The following KCNT2 variants were observed in gnomAD, a reference collection of about 807,000 sequenced individuals.
KCNT2 encodes potassium channel subfamily T member 2.
In KCNT2, 67 loss-of-function variants were observed where a neutral mutation model predicts 153.8. The observed-to-expected ratio is 0.44, with a 90% CI of 0.36 to 0.53. KCNT2 has a LOEUF of 0.53. KCNT2 is among the 20% of genes least tolerant of loss of function. The pLI, the probability that KCNT2 is intolerant of heterozygous loss-of-function variation, is 0.00. For synonymous variants in KCNT2, 500 were observed against 458.8 expected, an observed-to-expected ratio of 1.09 and a Z score of -1.15; for missense variants, 975 against 1,354.8, an observed-to-expected ratio of 0.72 and a Z score of 4.40.
chr1:196,366,255 G>A (rs1262598265), intron 14 of KCNT2, among the ~76,000 whole-genome samples: 1 of 151,876 alleles, frequency 6.6e-6, no homozygotes, highest in Non-Finnish European at 1.5e-5. Context: ...TGCCTCCTGG[G>A]TTCAAGGGAT....
intron 26 of KCNT2, chr1:196,257,223 A>G (rs1656592773): frequency 7.1e-6 from 7 of 984,382 alleles, no homozygotes; most frequent in Middle Eastern, 5.2e-4. Context: ...GGAGTAGCAC[A>G]CATAGCATGC....
chr1:196,464,070 A>AT (rs1322120154), intron 8 of KCNT2, among the ~76,000 whole-genome samples: 1 of 151,998 alleles, frequency 6.6e-6, no homozygotes, highest in African/African-American at 2.4e-5. Context: ...TACATACATA[A>AT]TTTTTTTAAA....
chr1:196,292,224 AAT>A (rs1267875603), intron 22 of KCNT2, among the ~76,000 whole-genome samples: 2 of 152,196 alleles, frequency 1.3e-5, no homozygotes, highest in African/African-American at 4.8e-5. Flanking sequence ...TTAAAAATCA[AAT>A]ATTGCAAGGT....
intron 1 of KCNT2, among the ~76,000 whole-genome samples, chr1:196,582,931 T>C (rs894253129): frequency 6.6e-6 from 1 of 152,048 alleles, no homozygotes; most frequent in African/African-American, 2.4e-5. Flanking sequence ...GATTATAAAA[T>C]ACAGAGATTT....
intron 1 of KCNT2, among the ~76,000 whole-genome samples, chr1:196,496,467 CAAA>C (rs548990555): frequency 1.1e-4 from 7 of 61,240 alleles, no homozygotes; most frequent in Non-Finnish European, 1.0e-4. Context: ...GACTCTGTCT[CAAA>C]AAAAAAAAAA....
chr1:196,390,910 A>ATTT (rs1457017256), intron 13 of KCNT2, among the ~76,000 whole-genome samples: 43 of 91,524 alleles, frequency 4.7e-4, no homozygotes, highest in African/African-American at 1.1e-3. Flanking sequence ...TTTTTTTTTA[A>ATTT]AAAAAAACAT....
intron 1 of KCNT2, among the ~76,000 whole-genome samples, chr1:196,578,030 C>G (rs1489579747): frequency 6.6e-6 from 1 of 152,032 alleles, no homozygotes; most frequent in Non-Finnish European, 1.5e-5. Flanking sequence ...ATGAAATCTG[C>G]ACTGCTTTTA....
intron 13 of KCNT2, among the ~76,000 whole-genome samples, chr1:196,386,440 G>T (rs1358631311): frequency 6.6e-6 from 1 of 152,074 alleles, no homozygotes; most frequent in African/African-American, 2.4e-5. Flanking sequence ...TAGTGCCTTA[G>T]AACAGTAGCC....
intron 12 of KCNT2, among the ~76,000 whole-genome samples, chr1:196,411,103 TTCCTTCC>T (rs1390179784): frequency 3.9e-5 from 5 of 127,552 alleles, no homozygotes; most frequent in African/African-American, 1.4e-4. Context: ...CCTTCCTTCC[TTCCTTCC>T]TTCCTTCCTT....
Position 196,423,060 on chromosome 1 carries a change from C to T in KCNT2, c.1175G>A (p.Arg392Lys), listed in dbSNP as rs1444491344. The T allele has an allele frequency of 6.3e-7, 1 of 1,595,584 alleles. No homozygotes were observed. Among genetic ancestry groups the T allele is most frequent in the Non-Finnish European group, 8.6e-7 (1 of 1,167,704 alleles). Residue 392 changes from arginine (R) to lysine (K), a missense_variant, in exon 12 of 28, where the codon AGG becomes AAG. Coordinates refer to ENST00000294725, the MANE Select transcript of KCNT2 (RefSeq NM_198503.5). ...ATTTTAGAAACTTACAGATGATGTC[C>T]TATCCACTTCACAACGGCTACTGAG... The part of the protein sequence containing the change: ...FILSSRCEVD[R>K]TSSDHQTILR...
intron 8 of KCNT2, among the ~76,000 whole-genome samples, chr1:196,459,651 C>A (rs764801438): frequency 3.3e-5 from 5 of 151,694 alleles, no homozygotes; most frequent in Non-Finnish European, 7.4e-5. Context: ...AGGGCATGTG[C>A]CCTAGAAAAA....
chr1:196,324,136 C>G (rs573320231), intron 19 of KCNT2, among the ~76,000 whole-genome samples: 178 of 152,018 alleles, frequency 1.2e-3, no homozygotes, highest in Middle Eastern at 3.4e-3. Context: ...AACTTTCAAC[C>G]TAACCCTTTG....
intron 21 of KCNT2, among the ~76,000 whole-genome samples, chr1:196,314,547 T>C (rs890104240): frequency 6.6e-6 from 1 of 151,774 alleles, no homozygotes; most frequent in Non-Finnish European, 1.5e-5. Flanking sequence ...TTTCTTCTTC[T>C]GGAACAAGAG....
intron 1 of KCNT2, among the ~76,000 whole-genome samples, chr1:196,493,506 G>C (rs1680017280): frequency 6.6e-6 from 1 of 152,056 alleles, no homozygotes; most frequent in South Asian, 2.1e-4. Flanking sequence ...GGAAAACCAT[G>C]AATAGTTTTA....
At chr1:196,258,168 T>C (rs1048554678) in intron 26 of KCNT2, 26 bp downstream of exon 26, 9 of 1,607,438 alleles carry the variant, frequency 5.6e-6, no homozygotes, top group Non-Finnish European at 7.6e-6. Flanking sequence ...CGAGTCCATA[T>C]ATACAGTAGT....
At chr1:196,505,389 G>C (rs1212874902) in intron 1 of KCNT2, among the ~76,000 whole-genome samples, 1 of 152,100 alleles carries the variant, frequency 6.6e-6, no homozygotes, top group African/African-American at 2.4e-5. Context: ...AGATCAGATA[G>C]TTGTAGATAT....
At chr1:196,365,084 T>A (rs2148291337) in intron 14 of KCNT2, among the ~76,000 whole-genome samples, 1 of 152,242 alleles carries the variant, frequency 6.6e-6, no homozygotes, top group East Asian at 1.9e-4. Flanking sequence ...TGGAACCTTC[T>A]CTTTCTTTGG....
rs576207739 is a variant in KCNT2, at chr1:196,305,939, C to A, written c.2484-594G>T. Among the ~76,000 whole-genome samples the A allele has an allele frequency of 2.0e-5, 3 of 152,210 alleles. No homozygotes were observed. In the South Asian group the frequency reaches 6.2e-4, roughly 32 times the overall value. ...TCCTGAAATTTTTTTTCACAGGTCC[C>A]ATGGCTTCATATTAGCTTTCTTCCC... On this transcript the variant is annotated intron_variant, in intron 21 of 27. Transcript: ENST00000294725.
At chr1:196,301,785 G>A (rs1263727526) in intron 22 of KCNT2, among the ~76,000 whole-genome samples, 1 of 152,036 alleles carries the variant, frequency 6.6e-6, no homozygotes, top group Non-Finnish European at 1.5e-5. Flanking sequence ...TGTCGCCCAG[G>A]CTGGAGTGCA....
Sources: gnomAD v4.1 joint callset for allele counts (sites outside exome capture counted in the v4.1 genomes callset) on GRCh38, gnomAD v4.1.1 for gene constraint, MANE v1.5 for transcripts, NCBI Gene and HGNC (gene_info 2026-07-23, HGNC 2026-07-21) for gene names.